The following CALR3 variants were observed in gnomAD, a reference collection of about 807,000 sequenced individuals.
The protein encoded by CALR3 is calreticulin 3, also known as calreticulin-3.
Under a neutral mutation model 48.7 loss-of-function variants are expected in CALR3, and 39 were observed. The observed-to-expected ratio is 0.80, with a 90% CI of 0.62 to 1.05. CALR3 has a LOEUF of 1.05. CALR3 is among the 50% of genes least tolerant of loss of function. The probability of loss-of-function intolerance (pLI) is 0.00; values close to 1 mark genes in which losing one functional copy is unlikely to be tolerated. For synonymous variants in CALR3, 185 were observed against 172.7 expected, an observed-to-expected ratio of 1.07 and a Z score of -0.56; for missense variants, 449 against 474.7, an observed-to-expected ratio of 0.95 and a Z score of 0.50.
intron 3 of CALR3, among the ~76,000 whole-genome samples, chr19:16,490,059 T>C (rs947362607): frequency 6.6e-6 from 1 of 152,018 alleles, no homozygotes; most frequent in Non-Finnish European, 1.5e-5. Context: ...AAAAAAAATT[T>C]CCAAAATCCA....
Position 16,479,128 on chromosome 19 carries a change from T to A in CALR3, c.*3A>T, listed in dbSNP as rs1421609128. 67 of 1,614,020 alleles carry A rather than the reference T, an allele frequency of 4.2e-5. No homozygotes were observed. The highest frequency in any genetic ancestry group is 5.6e-5 in the Non-Finnish European group (66 of 1,180,018). ...CAGTCATCCTTATATCCAATGGGGA[T>A]CACTAAAGTTCATTCCTTCTGTGAA... On this transcript the variant is annotated 3_prime_UTR_variant, in exon 9 of 9. Transcript: ENST00000269881.
intron 7 of CALR3, 30 bp downstream of exon 7, chr19:16,482,420 A>G (rs1410592059): frequency 9.9e-6 from 16 of 1,613,842 alleles, no homozygotes; most frequent in Non-Finnish European, 1.4e-5. Flanking sequence ...CACACGCAAA[A>G]AATCTAAAGT....
intron 4 of CALR3, 151 bp downstream of exon 4, chr19:16,485,012 A>G (rs964062591): frequency 3.1e-6 from 2 of 641,620 alleles, no homozygotes; most frequent in Non-Finnish European, 5.6e-6. Flanking sequence ...AGTATCTCCA[A>G]TGGGCCCCCT....
chr19:16,482,482 T>C lies in CALR3; in HGVS notation c.886A>G (p.Asn296Asp), dbSNP rs1568485360. The C allele has an allele frequency of 1.2e-6, 2 of 1,614,222 alleles. No individual in the cohort carries two copies. The highest frequency in any genetic ancestry group is 1.7e-5 in the Admixed American group (1 of 60,012). ...LTQYDLSEFE[N>D]IGAIGLELWQ... ...AGCTCCAGGCCAATGGCACCAATGT[T>C]CTCAAATTCTGAGAGGTCATACTGC... is the stretch of plus-strand genomic sequence containing the variant. Residue 296 changes from asparagine (N) to aspartate (D), a missense_variant, in exon 7 of 9, where the codon AAC becomes GAC. Physicochemically the swap from Asn to Asp is conservative, Grantham distance 23. Transcript: ENST00000269881.
chr19:16,493,169 C>T (rs2093400625), intron 2 of CALR3, among the ~76,000 whole-genome samples: 1 of 152,174 alleles, frequency 6.6e-6, no homozygotes, highest in Non-Finnish European at 1.5e-5. Context: ...ATGACTAGGA[C>T]AAACCAGAGA....
rs79686954 is a variant in CALR3 at position 16,495,001 on chromosome 19, G to T, written c.193+750C>A. ...TATAATCCCAGCACTTTAGGAGGCC[G>T]AGGCAGGTGGATTACTTAAGGCCAG... is the stretch of plus-strand genomic sequence containing the variant. On this transcript the variant is annotated intron_variant, in intron 2 of 8. Transcript: ENST00000269881. Among the ~76,000 whole-genome samples, 666 of 152,072 alleles carry T rather than the reference G, an allele frequency of 4.4e-3. 4 individuals are homozygous for T. Among genetic ancestry groups the T allele is most frequent in the Non-Finnish European group, 6.9e-3 (469 of 67,974 alleles).
At chr19:16,489,524 C>T (rs2093394518) in intron 3 of CALR3, among the ~76,000 whole-genome samples, 2 of 151,906 alleles carry the variant, frequency 1.3e-5, no homozygotes, top group Non-Finnish European at 2.9e-5. Context: ...GAGGCTGAAG[C>T]AGGTGAATCC....
intron 7 of CALR3, 92 bp from the exon 8 acceptor site, chr19:16,480,798 G>A: frequency 1.0e-6 from 1 of 980,276 alleles, no homozygotes; most frequent in Non-Finnish European, 1.6e-6. Flanking sequence ...AATACATGAA[G>A]CTCAGGTGAC....
In CALR3 at chr19:16,479,320, T is replaced by A. The variant is rs779855181; in HGVS notation, c.1012-46A>T. The A allele has an allele frequency of 1.9e-6, 3 of 1,610,624 alleles. No homozygotes were observed. The East Asian group carries it at 6.7e-5, about 36-fold the overall frequency. ...CATAAGCCCCACCGGGTGCGATGGC[T>A]CGTGCCTGTAATCCCAGCACTTTGG... On this transcript the variant is annotated intron_variant, in intron 8 of 8. Transcript: ENST00000269881.
At chr19:16,492,078 C>T (rs1273687879) in intron 2 of CALR3, among the ~76,000 whole-genome samples, 1 of 151,962 alleles carries the variant, frequency 6.6e-6, no homozygotes, top group Non-Finnish European at 1.5e-5. Flanking sequence ...ATCCACTCAC[C>T]TTGGCCTCCC....
In CALR3 at chr19:16,487,814, A is replaced by AT. The variant is rs1158111803; in HGVS notation, c.397+2552dup. Among the ~76,000 whole-genome samples, 1,103 of 111,254 alleles carry AT rather than the reference A, an allele frequency of 9.9e-3. 5 individuals are homozygous for AT. The highest frequency in any genetic ancestry group is 0.025 in the African/African-American group (726 of 29,262). The allele number at this position is 111,254 out of a possible 152,430, so 73.0% of individuals were successfully genotyped here. On this transcript the variant is annotated intron_variant, in intron 3 of 8. Transcript: ENST00000269881. ...CGCCACCACGCCCAGCTAATTTTCA[A>AT]TTTTTTTTTTTTTTTTTGAGACGGA...
In CALR3 at chr19:16,494,649, C is replaced by T. The variant is rs1278780600; in HGVS notation, c.193+1102G>A. On this transcript the variant is annotated intron_variant, in intron 2 of 8. Coordinates refer to ENST00000269881, the MANE Select transcript of CALR3 (RefSeq NM_145046.5). The stretch of plus-strand genomic sequence containing the variant: ...GTGCTGGGATTACAGGCATGAGCCA[C>T]CGCGCCTGGCCTATTTTTCTTTTTA... Among the ~76,000 whole-genome samples, 5 of 152,308 alleles carry T rather than the reference C, an allele frequency of 3.3e-5. No homozygotes were observed. In the South Asian group the frequency reaches 8.3e-4, roughly 25 times the overall value.
chr19:16,482,865 G>A (rs2093383323), intron 5 of CALR3, 80 bp from the exon 6 acceptor site: 1 of 1,372,418 alleles, frequency 7.3e-7, no homozygotes, highest in African/African-American at 1.4e-5. Flanking sequence ...TTTGTTTCTT[G>A]AGACTAGGTT....
At chr19:16,481,904 CT>C (rs747167825) in intron 7 of CALR3, among the ~76,000 whole-genome samples, 19 of 72,280 alleles carry the variant, frequency 2.6e-4, no homozygotes, top group African/African-American at 7.9e-4. Flanking sequence ...ACTCCCATCT[CT>C]TTTTTTTTTT....
intron 3 of CALR3, among the ~76,000 whole-genome samples, chr19:16,488,706 C>A (rs2093393003): frequency 6.6e-6 from 1 of 152,158 alleles, no homozygotes; most frequent in Non-Finnish European, 1.5e-5. Context: ...CGACACCCGG[C>A]CTGAGGTACA....
chr19:16,494,929 A>C (rs2093404010), intron 2 of CALR3, among the ~76,000 whole-genome samples: 1 of 152,206 alleles, frequency 6.6e-6, no homozygotes, highest in Admixed American at 6.5e-5. Context: ...CCTAATACCA[A>C]TAAAAGTAAT....
At position 16,480,651 on chromosome 19, in the gene CALR3, G is replaced by T; in HGVS notation, c.974C>A (p.Ala325Glu). The change falls in exon 8 of 9, where the codon GCA becomes GAA. Residue 325 changes from alanine to glutamate, a missense_variant. Coordinates refer to ENST00000269881, the MANE Select transcript of CALR3 (RefSeq NM_145046.5). ...CCAGGTGGCCTTGCCAAAATTATCTGCGTACTCTTCATCATCTGTGATCAG... is the reference window on the plus strand; with the variant it reads ...CCAGGTGGCCTTGCCAAAATTATCTTCGTACTCTTCATCATCTGTGATCAG... ...NFLITDDEEY[A>E]DNFGKATWGE... The T allele has an allele frequency of 6.2e-7, 1 of 1,613,864 alleles. No homozygotes were observed.
At chr19:16,480,408 C>A (rs767488406) in intron 8 of CALR3, among the ~76,000 whole-genome samples, 3 of 146,732 alleles carry the variant, frequency 2.0e-5, no homozygotes, top group Non-Finnish European at 4.5e-5. Context: ...ACAAATTAGC[C>A]GGACGTGGTG....
chr19:16,490,815 T>C (rs1183147753), intron 2 of CALR3, among the ~76,000 whole-genome samples: 4 of 151,976 alleles, frequency 2.6e-5, no homozygotes, highest in South Asian at 4.2e-4. Flanking sequence ...TGGAGTGCAA[T>C]GGCGTGATCT....
Sources: gnomAD v4.1 joint callset for allele counts (sites outside exome capture counted in the v4.1 genomes callset) on GRCh38, gnomAD v4.1.1 for gene constraint, MANE v1.5 for transcripts, NCBI Gene and HGNC (gene_info 2026-07-23, HGNC 2026-07-21) for gene names.